FAT3: variants seen among roughly 807,000 people sequenced by gnomAD.
The protein encoded by FAT3 is protocadherin Fat 3.
Under a neutral mutation model 310.2 loss-of-function variants are expected in FAT3, and 95 were observed. That is an observed-to-expected ratio of 0.31 (90% CI 0.26 to 0.36). The LOEUF (loss-of-function observed/expected upper bound fraction) is 0.36. Ranked by LOEUF, FAT3 falls within the 10% of genes least tolerant of loss-of-function variation. The pLI, the probability that FAT3 is intolerant of heterozygous loss-of-function variation, is 1.00. For synonymous variants in FAT3, 2,314 were observed against 2,192.9 expected, an observed-to-expected ratio of 1.06 and a Z score of -1.54; for missense variants, 5,408 against 5,715.6, an observed-to-expected ratio of 0.95 and a Z score of 1.74.
At chr11:92,741,802 G>A (rs145159885) in intron 4 of FAT3, among the ~76,000 whole-genome samples, 2 of 152,314 alleles carry the variant, frequency 1.3e-5, no homozygotes, top group Non-Finnish European at 2.9e-5. Context: ...AATACTACCT[G>A]TTGTGTGTTG....
intron 2 of FAT3, among the ~76,000 whole-genome samples, chr11:92,425,628 A>G (rs540116709): frequency 6.6e-6 from 1 of 152,114 alleles, no homozygotes; most frequent in Non-Finnish European, 1.5e-5. Context: ...TAGTGAGAAC[A>G]TGTGGTGTTT....
chr11:92,453,365 C>A (rs1951411361), intron 2 of FAT3, among the ~76,000 whole-genome samples: 1 of 152,110 alleles, frequency 6.6e-6, no homozygotes, highest in Admixed American at 6.6e-5. Flanking sequence ...ATGGTTGATT[C>A]CCCTTTCTTT....
At chr11:92,349,961 C>A (rs1248153866) in intron 1 of FAT3, among the ~76,000 whole-genome samples, 1 of 149,276 alleles carries the variant, frequency 6.7e-6, no homozygotes, top group Non-Finnish European at 1.5e-5. Context: ...TCAGGAGAGT[C>A]TCCTGTAAGG....
chr11:92,819,883 CAGTT>C (rs1442603749), intron 13 of FAT3, among the ~76,000 whole-genome samples: 2 of 152,210 alleles, frequency 1.3e-5, no homozygotes, highest in South Asian at 2.1e-4. Context: ...ACACTAAAGC[CAGTT>C]AGAGGTTAAT....
At chr11:92,837,925 G>C in intron 17 of FAT3, 119 bp downstream of exon 17, 1 of 1,242,524 alleles carries the variant, frequency 8.0e-7, no homozygotes, top group Non-Finnish European at 1.1e-6. Flanking sequence ...TCCCTTCATA[G>C]GGCAGGTATG....
intron 12 of FAT3, among the ~76,000 whole-genome samples, chr11:92,808,713 CAGG>C (rs748827725): frequency 1.3e-5 from 2 of 152,042 alleles, no homozygotes; most frequent in African/African-American, 2.4e-5. Context: ...ATCACAAAGT[CAGG>C]AGATCAAGAC....
chr11:92,861,399 T>C (rs552318278), intron 21 of FAT3, among the ~76,000 whole-genome samples: 2 of 152,366 alleles, frequency 1.3e-5, no homozygotes, highest in Admixed American at 1.3e-4. Flanking sequence ...GTCTAAAATG[T>C]GCAGATCCCA....
chr11:92,225,402 G>C (rs1297346493), intron 1 of FAT3, among the ~76,000 whole-genome samples: 1 of 152,160 alleles, frequency 6.6e-6, no homozygotes, highest in African/African-American at 2.4e-5. Flanking sequence ...AGGGTGGCTT[G>C]GCCCCGCGGC....
chr11:92,277,837 C>T (rs554482731), intron 1 of FAT3, among the ~76,000 whole-genome samples: 7 of 151,830 alleles, frequency 4.6e-5, no homozygotes, highest in Middle Eastern at 3.4e-3. Context: ...GTACATGTAA[C>T]CCCTGATTCT....
intron 2 of FAT3, among the ~76,000 whole-genome samples, chr11:92,505,781 C>T (rs759517540): frequency 4.6e-5 from 7 of 152,248 alleles, no homozygotes; most frequent in Admixed American, 2.0e-4. Context: ...CCTGCACAGT[C>T]AGGAGTCAAA....
chr11:92,378,534 C>A (rs1270871566), intron 2 of FAT3, among the ~76,000 whole-genome samples: 1 of 152,120 alleles, frequency 6.6e-6, no homozygotes, highest in Non-Finnish European at 1.5e-5. Context: ...GCATTATATA[C>A]TATTTTAACT....
intron 2 of FAT3, among the ~76,000 whole-genome samples, chr11:92,428,538 C>G (rs1303617476): frequency 6.6e-6 from 1 of 152,146 alleles, no homozygotes; most frequent in Non-Finnish European, 1.5e-5. Flanking sequence ...AAATTTCCCT[C>G]TAAACACTGC....
intron 1 of FAT3, among the ~76,000 whole-genome samples, chr11:92,233,110 G>T (rs1359509874): frequency 6.6e-6 from 1 of 152,132 alleles, no homozygotes; most frequent in Non-Finnish European, 1.5e-5. Context: ...TGAAAGAACT[G>T]CAGTTAGTAA....
chr11:92,744,272 G>A (rs1945588431), intron 4 of FAT3, among the ~76,000 whole-genome samples: 1 of 152,184 alleles, frequency 6.6e-6, no homozygotes, highest in Non-Finnish European at 1.5e-5. Flanking sequence ...AAGGAATGAT[G>A]AATGTGCACC....
At position 92,503,610 on chromosome 11, in the gene FAT3, A is replaced by C. The variant is rs1253025310; in HGVS notation, c.3293-21024A>C. Reference sequence around the variant, plus strand: ...CTCTCATTGTGCCACCTGACTCTAGAATCAATCTCTCAACCTCTCTCTTTC... The same window carrying C: ...CTCTCATTGTGCCACCTGACTCTAGCATCAATCTCTCAACCTCTCTCTTTC... On this transcript the variant is annotated intron_variant, in intron 2 of 27. Transcript: ENST00000525166. Among the ~76,000 whole-genome samples the C allele has an allele frequency of 1.3e-5, 2 of 152,120 alleles. 1 individual carries two copies. The highest frequency in any genetic ancestry group is 2.9e-5 in the Non-Finnish European group (2 of 67,990).
chr11:92,411,875 G>A (rs1233578096), intron 2 of FAT3, among the ~76,000 whole-genome samples: 1 of 151,716 alleles, frequency 6.6e-6, no homozygotes, highest in African/African-American at 2.4e-5. Flanking sequence ...TTTCAAGGAG[G>A]ATATTAAGTT....
rs1949702836 is a variant in FAT3 at position 92,882,779 on chromosome 11, A to C, written c.12323A>C (p.Glu4108Ala). Residue 4108 changes from glutamate to alanine, a missense_variant, in exon 24 of 28, where the codon GAG becomes GCG. Glu to Ala is a moderately radical substitution (Grantham distance 107). Coordinates refer to ENST00000525166, the MANE Select transcript of FAT3 (RefSeq NM_001367949.2). ...DINECEREEC[E>A]NGGSCVNVFG... The stretch of plus-strand genomic sequence containing the variant: ...AATGAGTGCGAACGAGAGGAGTGTG[A>C]GAACGGAGGCTCCTGCGTGAACGTG... 5 of 1,611,332 alleles carry C rather than the reference A, an allele frequency of 3.1e-6. No homozygotes were observed. The Admixed American group carries it at 6.7e-5, about 22-fold the overall frequency.
intron 6 of FAT3, among the ~76,000 whole-genome samples, chr11:92,767,999 A>G (rs1392862452): frequency 6.6e-6 from 1 of 152,186 alleles, no homozygotes; most frequent in Admixed American, 6.5e-5. Context: ...TCATTGGTCC[A>G]AGAAGAGAGA....
chr11:92,798,607 GT>G lies in FAT3; in HGVS notation c.5595del (p.Val1867LeufsTer7). ...GGTAGCCCCCAACTGACTGCAGAGAGTCCCGTTGAAGTCAACATTGAGGTGA... is the reference window on the plus strand; with the variant it reads ...GGTAGCCCCCAACTGACTGCAGAGAGCCCGTTGAAGTCAACATTGAGGTGA... ...DSGSPQLTAE[S>X]PVEVNIEVTD... is the part of the protein sequence containing the mutation. On this transcript the variant is annotated frameshift_variant, in exon 10 of 28. Coordinates refer to ENST00000525166, the MANE Select transcript of FAT3 (RefSeq NM_001367949.2). LOFTEE classifies it high-confidence loss of function. The G allele has an allele frequency of 6.2e-7, 1 of 1,613,790 alleles. No individual in the cohort carries two copies. Among genetic ancestry groups the G allele is most frequent in the Non-Finnish European group, 8.5e-7 (1 of 1,179,860 alleles).
Sources: allele counts gnomAD v4.1 joint callset (sites outside exome capture counted in the v4.1 genomes callset), GRCh38; gene constraint gnomAD v4.1.1; transcripts MANE v1.5; gene names NCBI Gene and HGNC (gene_info 2026-07-23, HGNC 2026-07-21).